CATSPER4: variants seen among roughly 807,000 people sequenced by gnomAD.
The protein encoded by CATSPER4 is cation channel sperm-associated protein 4.
Under a neutral mutation model 54.4 loss-of-function variants are expected in CATSPER4, and 46 were observed. The ratio of observed to expected loss-of-function variants is 0.84; its 90% confidence interval spans 0.67 to 1.08. The LOEUF (loss-of-function observed/expected upper bound fraction) is 1.08. Ranked by LOEUF, CATSPER4 falls within the 50% of genes least tolerant of loss-of-function variation. CATSPER4 has a pLI of 0.00. For missense variants in CATSPER4, 574 were observed against 612.8 expected (o/e 0.94, Z 0.67); for synonymous variants, 230 against 231.9 (o/e 0.99, Z 0.08).
In CATSPER4 at chr1:26,197,971, T is replaced by C. The variant is rs1223040319; in HGVS notation, c.572T>C (p.Val191Ala). 3.1e-6 allele frequency: 5 copies of C among 1,613,524 alleles called. No homozygotes were observed. Among genetic ancestry groups the C allele is most frequent in the Non-Finnish European group, 2.5e-6 (3 of 1,180,002 alleles). Residue 191 changes from valine (V) to alanine (A), a missense_variant, in exon 5 of 10, where the codon GTG becomes GCG. Transcript: ENST00000456354. The stretch of plus-strand genomic sequence containing the variant: ...CTCTGCCACAGGGCGCTTCGTCTGG[T>C]GCATGTGTGCATGGCGGTGGAGCCC... ...INYTLRALRL[V>A]HVCMAVEPLA...
chr1:26,191,303 A>G lies in CATSPER4; in HGVS notation c.230A>G (p.Gln77Arg), dbSNP rs11247866. ...CTCTTCCAGGACGCCTGGGACATGC[A>G]GGAGTTCATCACTCACATGTACATC... ...ITNKADAWDM[Q>R]EFITHMYIKQ... is the part of the protein sequence containing the mutation. The change falls in exon 2 of 10, where the codon CAG (glutamine) becomes CGG (arginine). Residue 77 changes from glutamine (Q) to arginine (R), a missense_variant. By Grantham distance (43) the Gln-to-Arg change is conservative (BLOSUM62 1). Transcript: ENST00000456354. The G allele has an allele frequency of 0.17, 280,183 of 1,613,466 alleles. 25,913 individuals carry two copies. The highest frequency in any genetic ancestry group is 0.22 in the African/African-American group (16,771 of 74,916).
At position 26,190,684 on chromosome 1, in the gene CATSPER4, G is replaced by A; in HGVS notation, c.57G>A (p.Glu19=). The A allele has an allele frequency of 1.2e-6, 2 of 1,611,656 alleles. No individual in the cohort carries two copies. Among genetic ancestry groups the A allele is most frequent in the Non-Finnish European group, 1.7e-6 (2 of 1,179,954 alleles). ...WQQWTSHTGL[E]GWGGTQEDRM... ...AATGGACCTCCCATACAGGCCTCGA[G>A]GGGTGGGGCGGGACTCAGGAGGACC... The change falls in exon 1 of 10, where the codon GAG becomes GAA. Residue 19 remains glutamate, a synonymous_variant. Coordinates refer to ENST00000456354, the MANE Select transcript of CATSPER4 (RefSeq NM_198137.2).
At position 26,194,958 on chromosome 1, in the gene CATSPER4, G is replaced by T. The variant is rs574555091; in HGVS notation, c.459+1070G>T. ...AAACTAGCTGGGCGTGGTGGCGCGT[G>T]CCTGTAATCCCAGCTACTTAGAGGC... is the stretch of plus-strand genomic sequence containing the variant. On this transcript the variant is annotated intron_variant, in intron 3 of 9. Coordinates refer to ENST00000456354, the MANE Select transcript of CATSPER4 (RefSeq NM_198137.2). 1.1e-4 allele frequency among the ~76,000 whole-genome samples: 16 copies of T among 152,226 alleles called. No individual in the cohort carries two copies. In the South Asian group the frequency reaches 3.1e-3, roughly 30 times the overall value.
In CATSPER4 at chr1:26,197,724, C is replaced by T. The variant is rs369863447; in HGVS notation, c.498C>T (p.Ile166=). 1.2e-6 allele frequency: 2 copies of T among 1,613,786 alleles called. No individual in the cohort carries two copies. Among genetic ancestry groups the T allele is most frequent in the African/African-American group, 2.7e-5 (2 of 74,930 alleles). The change falls in exon 4 of 10, where the codon ATC becomes ATT. Residue 166 remains isoleucine, a synonymous_variant. Transcript: ENST00000456354. ...TCCTCAACTTCATTATCGTCTTTATCTTGCTCTTGCGGTTCTTCATTAATG... is the reference window on the plus strand; with the variant it reads ...TCCTCAACTTCATTATCGTCTTTATTTTGCTCTTGCGGTTCTTCATTAATG... ...WNILNFIIVF[I]LLLRFFINEI...
Position 26,201,389 on chromosome 1 carries a change from A to G in CATSPER4, c.1235A>G (p.Gln412Arg), listed in dbSNP as rs140820355. Residue 412 changes from glutamine (Q) to arginine (R), a missense_variant, in exon 9 of 10, where the codon CAG becomes CGG. By Grantham distance (43) the Gln-to-Arg change is conservative. Transcript: ENST00000456354. ...GAGGTGCGCGCAATCCGCTTCAACC[A>G]GGAGCAGGAGTCAGAGGTGTTGAAC... is the stretch of plus-strand genomic sequence containing the variant. ...VEEVRAIRFN[Q>R]EQESEVLNRR... is the part of the protein sequence containing the mutation. The G allele has an allele frequency of 9.3e-6, 15 of 1,614,016 alleles. No individual in the cohort carries two copies. Among genetic ancestry groups the G allele is most frequent in the South Asian group, 3.3e-5 (3 of 91,096 alleles).
At chr1:26,201,729 G>C (rs1474465561) in intron 9 of CATSPER4, 2 of 475,182 alleles carry the variant, frequency 4.2e-6, no homozygotes, top group African/African-American at 5.1e-5. Context: ...TTACTCCATC[G>C]CCCAGGCTGG....
chr1:26,195,506 C>CTTTTTCT (rs1553155166), intron 3 of CATSPER4, among the ~76,000 whole-genome samples: 1 of 142,210 alleles, frequency 7.0e-6, no homozygotes, highest in Non-Finnish European at 1.5e-5. Flanking sequence ...TTTTCTTTTT[C>CTTTTTCT]TTTTTTTTTT....
rs761910137 is a variant in CATSPER4, at chr1:26,200,906, G to C, written c.1064G>C (p.Gly355Ala). Residue 355 changes from glycine to alanine, a missense_variant, in exon 8 of 10, where the codon GGT becomes GCT. Coordinates refer to ENST00000456354, the MANE Select transcript of CATSPER4 (RefSeq NM_198137.2). Reference sequence around the variant, plus strand: ...GTGGTCGCCCGCTCGGAGAAATCTGGTCTCCTCCAGGAACCCCTTGCGGGA... The same window carrying C: ...GTGGTCGCCCGCTCGGAGAAATCTGCTCTCCTCCAGGAACCCCTTGCGGGA... Reference protein sequence around the residue: ...HCVVARSEKSGLLQEPLAGGP... With the variant: ...HCVVARSEKSALLQEPLAGGP... 3 of 1,614,110 alleles carry C rather than the reference G, an allele frequency of 1.9e-6. No individual in the cohort carries two copies. Among genetic ancestry groups the C allele is most frequent in the Non-Finnish European group, 2.5e-6 (3 of 1,180,006 alleles).
At chr1:26,199,847 C>G in intron 6 of CATSPER4, 37 bp from the exon 7 acceptor site, 4 of 1,609,814 alleles carry the variant, frequency 2.5e-6, no homozygotes, top group Non-Finnish European at 3.4e-6. Context: ...GCTTGAAGGG[C>G]CAGGGAAATG....
At position 26,202,512 on chromosome 1, in the gene CATSPER4, A is replaced by G; in HGVS notation, c.1389A>G (p.Ile463Met). The change falls in exon 10 of 10, where the codon ATA (isoleucine) becomes ATG (methionine). Residue 463 changes from isoleucine to methionine, a missense_variant. Transcript: ENST00000456354. ...AGGTTCATGACTCTAGCTCACAAAT[A>G]CTCCTTAAAAAACACAAGAGCAGCC... is the stretch of plus-strand genomic sequence containing the variant. ...MEKVHDSSSQ[I>M]LLKKHKSSH The G allele has an allele frequency of 6.2e-7, 1 of 1,611,028 alleles. No homozygotes were observed. The highest frequency in any genetic ancestry group is 8.5e-7 in the Non-Finnish European group (1 of 1,178,760).
intron 3 of CATSPER4, among the ~76,000 whole-genome samples, chr1:26,196,500 C>A (rs1357500104): frequency 6.7e-6 from 1 of 149,634 alleles, no homozygotes; most frequent in Admixed American, 6.7e-5. Flanking sequence ...GCAGCCTCGA[C>A]CTCCTGGGTT....
intron 9 of CATSPER4, among the ~76,000 whole-genome samples, 176 bp from the exon 10 acceptor site, chr1:26,202,313 G>A (rs1275659349): frequency 6.6e-6 from 1 of 152,124 alleles, no homozygotes; most frequent in East Asian, 1.9e-4. Flanking sequence ...ATCAGCCTGG[G>A]ATATACCCTG....
chr1:26,201,742 T>A, intron 9 of CATSPER4: 1 of 486,182 alleles, frequency 2.1e-6, no homozygotes, highest in Non-Finnish European at 3.6e-6. Context: ...CAGGCTGGAG[T>A]GCAGTGGCGC....
At chr1:26,193,078 A>C (rs1239860707) in intron 2 of CATSPER4, among the ~76,000 whole-genome samples, 3 of 151,166 alleles carry the variant, frequency 2.0e-5, no homozygotes, top group African/African-American at 7.3e-5. Flanking sequence ...AAAAAAAGAA[A>C]GAAAGGGAGG....
Position 26,190,681 on chromosome 1 carries a change from C to G in CATSPER4, c.54C>G (p.Leu18=). The G allele has an allele frequency of 6.2e-7, 1 of 1,610,934 alleles. No homozygotes were observed. Among genetic ancestry groups the G allele is most frequent in the Non-Finnish European group, 8.5e-7 (1 of 1,179,886 alleles). Residue 18 remains leucine, a synonymous_variant, in exon 1 of 10, where the codon CTC becomes CTG. Coordinates refer to ENST00000456354, the MANE Select transcript of CATSPER4 (RefSeq NM_198137.2). ...WWQQWTSHTG[L]EGWGGTQEDR... Reference sequence around the variant, plus strand: ...AGCAATGGACCTCCCATACAGGCCTCGAGGGGTGGGGCGGGACTCAGGAGG... The same window carrying G: ...AGCAATGGACCTCCCATACAGGCCTGGAGGGGTGGGGCGGGACTCAGGAGG...
In CATSPER4 at chr1:26,200,810, C is replaced by G; in HGVS notation, c.988-20C>G. 6.2e-7 allele frequency: 1 copy of G among 1,608,226 alleles called. No individual in the cohort carries two copies. On this transcript the variant is annotated intron_variant, in intron 7 of 9. Transcript: ENST00000456354. ...GCCTGCCTGAGCTGTCCCGACCCCT[C>G]TCTATCCCCCGCTTCCCAGACAGGC...
chr1:26,196,524 C>CA (rs1210990655), intron 3 of CATSPER4, among the ~76,000 whole-genome samples: 1 of 149,966 alleles, frequency 6.7e-6, no homozygotes, highest in East Asian at 2.0e-4. Flanking sequence ...GTGATCCTCT[C>CA]AGCCCTCCAA....
At chr1:26,197,637 C>A (rs558338852) in intron 3 of CATSPER4, 49 bp from the exon 4 acceptor site, 4 of 1,347,232 alleles carry the variant, frequency 3.0e-6, no homozygotes, top group East Asian at 4.6e-5. Flanking sequence ...CTAGGATGCC[C>A]CCATGGGCTG....
intron 3 of CATSPER4, among the ~76,000 whole-genome samples, chr1:26,196,118 G>A (rs911060778): frequency 6.7e-6 from 1 of 149,122 alleles, no homozygotes; most frequent in East Asian, 1.9e-4. Flanking sequence ...AGTACATGGA[G>A]ATCTTTCTCA....
Sources: allele counts gnomAD v4.1 joint callset (sites outside exome capture counted in the v4.1 genomes callset), GRCh38; gene constraint gnomAD v4.1.1; transcripts MANE v1.5; gene names NCBI Gene and HGNC (gene_info 2026-07-23, HGNC 2026-07-21).